The following RND3 variants were observed in gnomAD, a reference collection of about 807,000 sequenced individuals.
The protein encoded by RND3 is rho-related GTP-binding protein RhoE.
RND3 carries 8 observed loss-of-function variants against 26.5 expected under a neutral mutation model. The observed-to-expected ratio is 0.30, with a 90% CI of 0.18 to 0.54. The LOEUF is 0.54. RND3 is among the 20% of genes least tolerant of loss of function. The pLI is 0.94. For missense variants in RND3, 207 were observed against 302.8 expected (o/e 0.68, Z 2.35); for synonymous variants, 113 against 113.0 (o/e 1.00, Z 0.00).
Position 150,470,048 on chromosome 2 carries a change from T to G in RND3, c.674A>C (p.Glu225Ala). ...TAAGTCCGTAGCAACTGCCGAGAGTTCTGGTCTGCTAGGCATGTGTGAAAT... is the reference window on the plus strand; with the variant it reads ...TAAGTCCGTAGCAACTGCCGAGAGTGCTGGTCTGCTAGGCATGTGTGAAAT... Reference protein sequence around the residue: ...KRISHMPSRPELSAVATDLRK... With the variant: ...KRISHMPSRPALSAVATDLRK... Residue 225 changes from glutamate (E) to alanine (A), a missense_variant, in exon 6 of 6, where the codon GAA (glutamate) becomes GCA (alanine). Glu to Ala is a moderately radical substitution (Grantham distance 107). Transcript: ENST00000263895. 6.2e-7 allele frequency: 1 copy of G among 1,614,054 alleles called. No homozygotes were observed. Among genetic ancestry groups the G allele is most frequent in the Non-Finnish European group, 8.5e-7 (1 of 1,179,936 alleles).
Position 150,470,247 on chromosome 2 carries a change from C to A in RND3, c.484-9G>T, listed in dbSNP as rs767579475. ...TTGGCCATATTTGCCCCCTGAGAAG[C>A]AAAAGAAGGGATTTTAACCAGCAAT... On this transcript the variant is annotated splice_polypyrimidine_tract_variant and intron_variant, in intron 5 of 5. Transcript: ENST00000263895. 6.2e-7 allele frequency: 1 copy of A among 1,609,792 alleles called. No individual in the cohort carries two copies. Among genetic ancestry groups the A allele is most frequent in the Non-Finnish European group, 8.5e-7 (1 of 1,177,392 alleles).
At chr2:150,483,584 T>C (rs866590968) in intron 3 of RND3, among the ~76,000 whole-genome samples, 1 of 152,190 alleles carries the variant, frequency 6.6e-6, no homozygotes, top group Non-Finnish European at 1.5e-5. Flanking sequence ...ACTAAATAAA[T>C]GTTTTAGTGG....
chr2:150,469,055 G>A lies in RND3; in HGVS notation c.*932C>T, dbSNP rs1395005422. 1 of 152,554 alleles carries A rather than the reference G, an allele frequency of 6.6e-6. No individual in the cohort carries two copies. The highest frequency in any genetic ancestry group is 1.5e-5 in the Non-Finnish European group (1 of 68,026). 9.5% of individuals were successfully genotyped at this position (152,554 alleles called of 1,614,324 possible). A position where few individuals can be genotyped will look rare whatever the true frequency, so the allele number is the denominator to read the frequency against. ...GCTTTACTCACAAACTGTGCTTTCT[G>A]CTACTATTCTTTCCTTCACTCATTA... On this transcript the variant is annotated 3_prime_UTR_variant, in exon 6 of 6. Coordinates refer to ENST00000263895, the MANE Select transcript of RND3 (RefSeq NM_005168.5).
rs180701922 is a variant in RND3, at chr2:150,479,532, G to A, written c.239-4548C>T. On this transcript the variant is annotated intron_variant, in intron 3 of 5. Coordinates refer to ENST00000263895, the MANE Select transcript of RND3 (RefSeq NM_005168.5). Reference sequence around the variant, plus strand: ...TTCCCCCTTAAGAAATTTTTACCAAGAAGAGTAAGCTAAAGCTATTGCATA... The same window carrying A: ...TTCCCCCTTAAGAAATTTTTACCAAAAAGAGTAAGCTAAAGCTATTGCATA... 9.9e-4 allele frequency among the ~76,000 whole-genome samples: 151 copies of A among 152,252 alleles called. 1 individual carries two copies. Among genetic ancestry groups the A allele is most frequent in the African/African-American group, 3.5e-3 (147 of 41,552 alleles).
intron 3 of RND3, among the ~76,000 whole-genome samples, chr2:150,477,577 C>T (rs755883547): frequency 2.6e-4 from 40 of 152,028 alleles, no homozygotes; most frequent in Non-Finnish European, 1.0e-4. Context: ...TGTGCTCAGC[C>T]CTGAGTCACC....
At chr2:150,476,815 T>C (rs1399561945) in intron 3 of RND3, among the ~76,000 whole-genome samples, 3 of 152,210 alleles carry the variant, frequency 2.0e-5, no homozygotes, top group African/African-American at 7.2e-5. Flanking sequence ...AGTTCACCCA[T>C]TTGAACATTC....
intron 3 of RND3, among the ~76,000 whole-genome samples, chr2:150,483,865 C>A (rs1686316527): frequency 6.6e-6 from 1 of 152,170 alleles, no homozygotes; most frequent in Non-Finnish European, 1.5e-5. Flanking sequence ...CCTTATGCCT[C>A]TTTTTTCCAT....
intron 3 of RND3, among the ~76,000 whole-genome samples, chr2:150,479,323 T>C (rs925801475): frequency 1.8e-4 from 28 of 152,180 alleles, no homozygotes; most frequent in African/African-American, 6.8e-4. Context: ...ACCATATATG[T>C]ACATAATTAA....
intron 4 of RND3, among the ~76,000 whole-genome samples, chr2:150,472,448 C>T (rs1441982): frequency 0.18 from 27,454 of 152,180 alleles, 2,846 homozygotes; most frequent in East Asian, 0.47. Context: ...CAATCTATTC[C>T]AATTTGTCTA....
chr2:150,486,625 G>A lies in RND3; in HGVS notation c.238+69C>T. On this transcript the variant is annotated intron_variant, in intron 3 of 5. Transcript: ENST00000263895. The surrounding 1 kb of genome is among the most constrained non-coding windows in gnomAD (Gnocchi z 4.5). ...GACGGCTTGTAGCGCGCGGTTTCCC[G>A]AGACCCGCCGCGCATCCCCCAGCGA... 2 of 1,156,132 alleles carry A rather than the reference G, an allele frequency of 1.7e-6. No homozygotes were observed. The highest frequency in any genetic ancestry group is 1.2e-5 in the South Asian group (1 of 81,970). 71.6% of individuals were successfully genotyped at this position (1,156,132 alleles called of 1,614,324 possible). A position where few individuals can be genotyped will look rare whatever the true frequency, so the allele number is the denominator to read the frequency against.
chr2:150,472,019 A>C (rs1686094544), intron 4 of RND3: 2 of 393,994 alleles, frequency 5.1e-6, no homozygotes, highest in South Asian at 3.1e-5. Flanking sequence ...TTGCTACTGA[A>C]AGAGACTTGG....
chr2:150,471,520 G>C, intron 5 of RND3, 107 bp downstream of exon 5: 2 of 905,290 alleles, frequency 2.2e-6, no homozygotes, highest in Non-Finnish European at 3.3e-6. Flanking sequence ...TGACCACTGG[G>C]TGAGCCTTTA....
intron 3 of RND3, among the ~76,000 whole-genome samples, chr2:150,478,588 A>AG (rs924541937): frequency 2.6e-5 from 4 of 151,658 alleles, no homozygotes; most frequent in Non-Finnish European, 5.9e-5. Flanking sequence ...GCAAAAAAAA[A>AG]AAAAAAAAAT....
In RND3 at chr2:150,469,655, A is replaced by AAG. The variant is rs57553410; in HGVS notation, c.*331_*332insCT. The AAG allele has an allele frequency of 4.1e-6, 1 of 244,482 alleles. No individual in the cohort carries two copies. The highest frequency in any genetic ancestry group is 7.9e-6 in the Non-Finnish European group (1 of 127,240). The allele number at this position is 244,482 out of a possible 1,614,324, so 15.1% of individuals were successfully genotyped here. On this transcript the variant is annotated 3_prime_UTR_variant, in exon 6 of 6. Transcript: ENST00000263895. ...GAATAGATTATAACAAAAAAAAAAA[A>AAG]CCCAAAAATGCAAGCACCATTCAGA... is the stretch of plus-strand genomic sequence containing the variant.
chr2:150,477,780 A>G (rs1159395490), intron 3 of RND3, among the ~76,000 whole-genome samples: 5 of 152,190 alleles, frequency 3.3e-5, no homozygotes, highest in Non-Finnish European at 7.3e-5. Context: ...GAAAATACAT[A>G]TGTAGTGCAA....
intron 4 of RND3, 28 bp downstream of exon 4, chr2:150,474,847 A>C (rs367783014): frequency 2.4e-6 from 3 of 1,270,982 alleles, no homozygotes; most frequent in Non-Finnish European, 3.5e-6. Context: ...CCCAGTACTG[A>C]AGTGTGTCAT....
In RND3 at chr2:150,468,550, C is replaced by A. The variant is rs912296941; in HGVS notation, c.*1437G>T. ...AACTGAGTGTTGTAATTACCTTAAT[C>A]TCTCCTGCCACGATTTAAGGGGAGC... On this transcript the variant is annotated 3_prime_UTR_variant, in exon 6 of 6. Transcript: ENST00000263895. 2 of 152,590 alleles carry A rather than the reference C, an allele frequency of 1.3e-5. No homozygotes were observed. The highest frequency in any genetic ancestry group is 6.6e-5 in the Admixed American group (1 of 15,264). 9.5% of individuals were successfully genotyped at this position (152,590 alleles called of 1,614,324 possible).
chr2:150,482,102 C>T (rs192465711), intron 3 of RND3, among the ~76,000 whole-genome samples: 60 of 152,230 alleles, frequency 3.9e-4, no homozygotes, highest in African/African-American at 1.3e-3. Context: ...TGACAAGATT[C>T]GAAAGAGTGT....
At chr2:150,474,814 C>A in intron 4 of RND3, 61 bp downstream of exon 4, 2 of 956,004 alleles carry the variant, frequency 2.1e-6, no homozygotes, top group Non-Finnish European at 3.4e-6. Context: ...CCCAACAAAC[C>A]CCACGTTTCT....
Sources: allele counts gnomAD v4.1 joint callset (sites outside exome capture counted in the v4.1 genomes callset), GRCh38; gene constraint gnomAD v4.1.1; non-coding constraint Gnocchi (gnomAD v3.1); transcripts MANE v1.5; gene names NCBI Gene and HGNC (gene_info 2026-07-23, HGNC 2026-07-21).